PRR16: variants seen among roughly 807,000 people sequenced by gnomAD.
PRR16 encodes the protein protein Largen.
Under a neutral mutation model 18.2 loss-of-function variants are expected in PRR16, and 6 were observed. The ratio of observed to expected loss-of-function variants is 0.33; its 90% confidence interval spans 0.18 to 0.65. The LOEUF (loss-of-function observed/expected upper bound fraction) is 0.65. PRR16 is among the 30% of genes least tolerant of loss of function. The pLI is 0.74. For missense variants in PRR16, 412 were observed against 376.6 expected, an observed-to-expected ratio of 1.09 and a Z score of -0.78; for synonymous variants, 151 against 147.8, an observed-to-expected ratio of 1.02 and a Z score of -0.16.
intron 1 of PRR16, among the ~76,000 whole-genome samples, chr5:120,595,416 G>A (rs987264848): frequency 3.0e-4 from 41 of 136,176 alleles, no homozygotes; most frequent in African/African-American, 1.0e-3. Flanking sequence ...TTAGTCAGAA[G>A]GGCTATTATC....
the PRR16 span, among the ~76,000 whole-genome samples, chr5:120,700,439 G>A: frequency 1.3e-5 from 2 of 152,028 alleles, no homozygotes; most frequent in African/African-American, 4.8e-5. Flanking sequence ...GTGGGTTAAG[G>A]TGGGGGGATA....
chr5:120,667,860 G>C (rs1003176659), intron 1 of PRR16, among the ~76,000 whole-genome samples: 3 of 152,106 alleles, frequency 2.0e-5, no homozygotes, highest in Admixed American at 6.6e-5. Context: ...TTGCTGAGGA[G>C]AGCTTTACTT....
intron 1 of PRR16, among the ~76,000 whole-genome samples, chr5:120,472,691 A>T (rs1749307503): frequency 6.6e-6 from 1 of 152,194 alleles, no homozygotes; most frequent in Non-Finnish European, 1.5e-5. Context: ...AAAAAGAAAT[A>T]CTGATGGCTG....
At chr5:120,590,819 G>C (rs1277811849) in intron 1 of PRR16, among the ~76,000 whole-genome samples, 2 of 152,056 alleles carry the variant, frequency 1.3e-5, no homozygotes, top group Admixed American at 6.6e-5. Context: ...AGGATTAGCT[G>C]TTATTATAAA....
intron 1 of PRR16, among the ~76,000 whole-genome samples, chr5:120,487,895 A>G (rs1749871432): frequency 6.6e-6 from 1 of 152,164 alleles, no homozygotes; most frequent in African/African-American, 2.4e-5. Flanking sequence ...TTCTGCATCT[A>G]TTGATATAAT....
chr5:120,770,950 TCACA>T, the PRR16 span, among the ~76,000 whole-genome samples: 7 of 148,960 alleles, frequency 4.7e-5, no homozygotes, highest in East Asian at 2.0e-4. Context: ...TCTCTCTCTC[TCACA>T]CACACACACA....
the PRR16 span, among the ~76,000 whole-genome samples, chr5:120,770,707 G>A: frequency 4.6e-5 from 7 of 151,964 alleles, no homozygotes; most frequent in Non-Finnish European, 1.0e-4. Flanking sequence ...AATATAGGGA[G>A]CACCTACAAC....
chr5:120,675,695 A>G (rs1176491882), intron 1 of PRR16, among the ~76,000 whole-genome samples: 1 of 152,120 alleles, frequency 6.6e-6, no homozygotes, highest in Non-Finnish European at 1.5e-5. Context: ...AGTCTCATTT[A>G]AACTAGAAAC....
intron 1 of PRR16, 100 bp from the exon 2 acceptor site, chr5:120,685,854 A>T: frequency 8.2e-7 from 1 of 1,219,132 alleles, no homozygotes; most frequent in Non-Finnish European, 1.1e-6. Context: ...AATATCAGTT[A>T]AGGCTTCCAT....
At chr5:120,694,244 T>C in the PRR16 span, among the ~76,000 whole-genome samples, 2 of 152,246 alleles carry the variant, frequency 1.3e-5, no homozygotes, top group East Asian at 1.9e-4. Context: ...TCATCTTATT[T>C]ATAAAGTAAT....
chr5:120,653,220 G>T (rs1261041025), intron 1 of PRR16, among the ~76,000 whole-genome samples: 2 of 151,668 alleles, frequency 1.3e-5, no homozygotes, highest in African/African-American at 4.8e-5. Context: ...TTGGTCCCAT[G>T]GATGTTCACC....
intron 1 of PRR16, among the ~76,000 whole-genome samples, chr5:120,510,597 G>A (rs73786230): frequency 2.6e-5 from 4 of 152,132 alleles, no homozygotes; most frequent in Admixed American, 6.5e-5. Context: ...TCAAACTATC[G>A]GTAGCAGCCT....
chr5:120,538,399 G>A (rs965616406), intron 1 of PRR16, among the ~76,000 whole-genome samples: 5 of 152,118 alleles, frequency 3.3e-5, no homozygotes, highest in African/African-American at 1.2e-4. Context: ...GAATCCACAC[G>A]TAATTTGTCT....
intron 1 of PRR16, among the ~76,000 whole-genome samples, chr5:120,530,281 A>ATATATTTATT (rs1447791509): frequency 1.3e-4 from 12 of 92,692 alleles, no homozygotes; most frequent in African/African-American, 5.1e-4. Flanking sequence ...ATATATATAT[A>ATATATTTATT]TATTTATTTA....
At chr5:120,553,872 A>G (rs1317975290) in intron 1 of PRR16, among the ~76,000 whole-genome samples, 1 of 151,946 alleles carries the variant, frequency 6.6e-6, no homozygotes, top group Non-Finnish European at 1.5e-5. Context: ...GAGATTGGAT[A>G]TAGGAAATTT....
intron 1 of PRR16, among the ~76,000 whole-genome samples, chr5:120,625,385 A>G (rs186678102): frequency 4.3e-4 from 65 of 152,276 alleles, no homozygotes; most frequent in African/African-American, 1.5e-3. Flanking sequence ...GCTGGAGTTC[A>G]GTGACATAAT....
intron 1 of PRR16, among the ~76,000 whole-genome samples, chr5:120,547,946 G>A (rs1036999602): frequency 1.3e-5 from 2 of 151,844 alleles, no homozygotes; most frequent in Admixed American, 6.6e-5. Flanking sequence ...TGAAAAAAAA[G>A]CCAGATAATG....
chr5:120,739,654 G>T, the PRR16 span, among the ~76,000 whole-genome samples: 1 of 152,094 alleles, frequency 6.6e-6, no homozygotes, highest in African/African-American at 2.4e-5. Context: ...CCTAACAATA[G>T]CACCACTCTC....
At chr5:120,613,472 A>G (rs1338250906) in intron 1 of PRR16, among the ~76,000 whole-genome samples, 1 of 150,788 alleles carries the variant, frequency 6.6e-6, no homozygotes, top group Non-Finnish European at 1.5e-5. Flanking sequence ...ACTAAGATTC[A>G]TGTCTTGAAC....
Sources: allele counts gnomAD v4.1 joint callset (sites outside exome capture counted in the v4.1 genomes callset), GRCh38; gene constraint gnomAD v4.1.1; transcripts MANE v1.5; gene names NCBI Gene and HGNC (gene_info 2026-07-23, HGNC 2026-07-21).